The following WAPL variants were observed in gnomAD, a reference collection of about 807,000 sequenced individuals.
The protein encoded by WAPL is wings apart-like protein homolog.
In WAPL, 5 loss-of-function variants were observed where a neutral mutation model predicts 121.0. That is an observed-to-expected ratio of 0.04 (90% CI 0.02 to 0.09). The LOEUF is 0.09. WAPL is among the 10% of genes least tolerant of loss of function. WAPL has a pLI of 1.00. For synonymous variants in WAPL, 480 were observed against 481.5 expected, an observed-to-expected ratio of 1.00 and a Z score of 0.04; for missense variants, 999 against 1,410.8, an observed-to-expected ratio of 0.71 and a Z score of 4.68.
intron 2 of WAPL, among the ~76,000 whole-genome samples, chr10:86,501,738 TGATCA>T (rs1341417738): frequency 6.6e-6 from 1 of 152,222 alleles, no homozygotes; most frequent in Non-Finnish European, 1.5e-5. Context: ...TACAGTGGTG[TGATCA>T]CAGCTCACTG....
At chr10:86,455,149 G>A (rs1290741929) in intron 12 of WAPL, among the ~76,000 whole-genome samples, 1 of 152,028 alleles carries the variant, frequency 6.6e-6, no homozygotes, top group Non-Finnish European at 1.5e-5. Flanking sequence ...GGGAAGTGAG[G>A]AGCCCCTCTG....
intron 4 of WAPL, among the ~76,000 whole-genome samples, chr10:86,486,540 CT>C (rs1290350497): frequency 7.9e-5 from 12 of 152,172 alleles, no homozygotes; most frequent in African/African-American, 2.2e-4. Context: ...CAGAAGCCCC[CT>C]ATCCAGTGTC....
At position 86,461,356 on chromosome 10, in the gene WAPL, CA is replaced by C. The variant is rs1470796540; in HGVS notation, c.2371-70del. ...TAACTCTAGAAATTGTTTCTCTTTACAAAAATTTACTGCATGCTACATGTAG... is the reference window on the plus strand; with the variant it reads ...TAACTCTAGAAATTGTTTCTCTTTACAAAATTTACTGCATGCTACATGTAG... On this transcript the variant is annotated intron_variant, in intron 9 of 18. Coordinates refer to ENST00000298767, the MANE Select transcript of WAPL (RefSeq NM_015045.5). 6 of 1,229,352 alleles carry C rather than the reference CA, an allele frequency of 4.9e-6. No homozygotes were observed. In the Admixed American group the frequency reaches 7.8e-5, roughly 16 times the overall value. 76.2% of individuals were successfully genotyped at this position (1,229,352 alleles called of 1,614,324 possible).
rs1036931052 is a variant in WAPL, at chr10:86,473,816, G to A, written c.1740+62C>T. The A allele has an allele frequency of 9.4e-6, 12 of 1,272,732 alleles. No homozygotes were observed. The African/African-American group carries it at 1.5e-4, about 16-fold the overall frequency. The allele number at this position is 1,272,732 out of a possible 1,614,324, so 78.8% of individuals were successfully genotyped here. A position where few individuals can be genotyped will look rare whatever the true frequency, so the allele number is the denominator to read the frequency against. On this transcript the variant is annotated intron_variant, in intron 5 of 18. Coordinates refer to ENST00000298767, the MANE Select transcript of WAPL (RefSeq NM_015045.5). ...AAGATTTACAAATTATGAATTAAAA[G>A]AGTAACTGCTTAATTTATAGCTTAT...
intron 4 of WAPL, among the ~76,000 whole-genome samples, chr10:86,492,156 T>C (rs1261500016): frequency 6.6e-6 from 1 of 150,786 alleles, no homozygotes; most frequent in African/African-American, 2.4e-5. Flanking sequence ...TAGCATAATG[T>C]CAGTAAGTAA....
intron 9 of WAPL, among the ~76,000 whole-genome samples, chr10:86,464,600 G>C (rs1841357121): frequency 6.6e-6 from 1 of 152,156 alleles, no homozygotes; most frequent in African/African-American, 2.4e-5. Flanking sequence ...TCCCAGGAAG[G>C]CCGAGGAGGA....
chr10:86,511,101 T>C (rs1024113333), intron 2 of WAPL, among the ~76,000 whole-genome samples: 2 of 152,162 alleles, frequency 1.3e-5, no homozygotes, highest in African/African-American at 4.8e-5. Flanking sequence ...GTGCTGGTAT[T>C]AACAGGTGTG....
At chr10:86,512,403 C>T (rs1842481817) in intron 2 of WAPL, among the ~76,000 whole-genome samples, 1 of 152,194 alleles carries the variant, frequency 6.6e-6, no homozygotes, top group South Asian at 2.1e-4. Flanking sequence ...GAAAAGTGTG[C>T]CAAGCCGAAA....
intron 2 of WAPL, among the ~76,000 whole-genome samples, chr10:86,516,884 ACCAT>A (rs1200126331): frequency 1.3e-5 from 2 of 152,088 alleles, no homozygotes; most frequent in Non-Finnish European, 2.9e-5. Flanking sequence ...GGAGATGGAG[ACCAT>A]CCTGGCTAAC....
intron 4 of WAPL, among the ~76,000 whole-genome samples, chr10:86,485,079 A>T (rs1428284727): frequency 1.2e-4 from 2 of 16,582 alleles, no homozygotes; most frequent in Admixed American, 7.1e-4. Flanking sequence ...CCCCCCACTC[A>T]CCCCCCAACC....
At chr10:86,487,813 T>C (rs1841958345) in intron 4 of WAPL, among the ~76,000 whole-genome samples, 1 of 151,854 alleles carries the variant, frequency 6.6e-6, no homozygotes, top group South Asian at 2.1e-4. Flanking sequence ...GAGAATGGAG[T>C]GAACCTGGGA....
intron 12 of WAPL, among the ~76,000 whole-genome samples, chr10:86,455,085 G>T (rs868138207): frequency 6.8e-6 from 1 of 146,460 alleles, no homozygotes; most frequent in Admixed American, 6.8e-5. Flanking sequence ...GCCCCCGCCC[G>T]GCAGCCGCCC....
intron 4 of WAPL, among the ~76,000 whole-genome samples, chr10:86,485,854 A>G (rs561317076): frequency 6.6e-6 from 1 of 152,284 alleles, no homozygotes; most frequent in South Asian, 2.1e-4. Context: ...TCATTTTTGT[A>G]TCCCTAGCAC....
chr10:86,461,246 A>G lies in WAPL; in HGVS notation c.2412T>C (p.Ser804=). ...LAMETLLSLT[S]KRAGDWFKEE... The stretch of plus-strand genomic sequence containing the variant: ...CTTTAAACCAGTCTCCTGCTCGTTT[A>G]GAAGTAAGGGATAATAATGTCTCCA... Residue 804 remains serine, a synonymous_variant, in exon 10 of 19, where the codon TCT becomes TCC. Coordinates refer to ENST00000298767, the MANE Select transcript of WAPL (RefSeq NM_015045.5). 1 of 1,613,816 alleles carries G rather than the reference A, an allele frequency of 6.2e-7. No homozygotes were observed. Among genetic ancestry groups the G allele is most frequent in the Non-Finnish European group, 8.5e-7 (1 of 1,179,904 alleles).
At chr10:86,442,380 A>T (rs1475955928) in intron 17 of WAPL, among the ~76,000 whole-genome samples, 1 of 152,208 alleles carries the variant, frequency 6.6e-6, no homozygotes, top group Non-Finnish European at 1.5e-5. Flanking sequence ...TACCTGAAAA[A>T]GCTCAACAAG....
At chr10:86,519,574 G>A (rs1458364001) in intron 1 of WAPL, among the ~76,000 whole-genome samples, 1 of 152,122 alleles carries the variant, frequency 6.6e-6, no homozygotes, top group Non-Finnish European at 1.5e-5. Flanking sequence ...TCTGCGTTAA[G>A]AGAAAACAGT....
intron 2 of WAPL, among the ~76,000 whole-genome samples, chr10:86,510,844 GTTTTGTT>G (rs1842449614): frequency 6.6e-6 from 1 of 151,822 alleles, no homozygotes; most frequent in Admixed American, 6.6e-5. Flanking sequence ...TTCTTGTTTT[GTTTTGTT>G]TTTGAGATGG....
At chr10:86,441,694 AG>A (rs751823826) in intron 17 of WAPL, among the ~76,000 whole-genome samples, 1 of 152,002 alleles carries the variant, frequency 6.6e-6, no homozygotes, top group Non-Finnish European at 1.5e-5. Context: ...CAACATGTGG[AG>A]GACAGCAGTT....
rs1233847402 is a variant in WAPL at position 86,521,679 on chromosome 10, G to C, written c.-337C>G. Reference sequence around the variant, plus strand: ...GGCCGCCGCCGCCTCCTGCGCCGCCGCTTCCGCCGGTGAATGGTCAGTGCT... The same window carrying C: ...GGCCGCCGCCGCCTCCTGCGCCGCCCCTTCCGCCGGTGAATGGTCAGTGCT... On this transcript the variant is annotated 5_prime_UTR_variant, in exon 1 of 19. Transcript: ENST00000298767. 4.3e-6 allele frequency: 2 copies of C among 463,622 alleles called. No individual in the cohort carries two copies. Among genetic ancestry groups the C allele is most frequent in the African/African-American group, 4.1e-5 (2 of 48,480 alleles). The allele number at this position is 463,622 out of a possible 1,614,324, so 28.7% of individuals were successfully genotyped here. A position where few individuals can be genotyped will look rare whatever the true frequency, so the allele number is the denominator to read the frequency against.
Sources: gnomAD v4.1 joint callset for allele counts (sites outside exome capture counted in the v4.1 genomes callset) on GRCh38, gnomAD v4.1.1 for gene constraint, MANE v1.5 for transcripts, NCBI Gene and HGNC (gene_info 2026-07-23, HGNC 2026-07-21) for gene names.